The following RGPD4 variants were observed in gnomAD, a reference collection of about 807,000 sequenced individuals.
The protein encoded by RGPD4 is ranBP2-like and GRIP domain-containing protein 4.
Under a neutral mutation model 141.1 loss-of-function variants are expected in RGPD4, and 84 were observed. The observed-to-expected ratio is 0.60, with a 90% CI of 0.50 to 0.71. RGPD4 has a LOEUF of 0.71. Among genes scored for constraint, RGPD4 ranks in the 30% least tolerant of loss-of-function variants. RGPD4 has a pLI of 0.00. For synonymous variants in RGPD4, 298 were observed against 566.8 expected (o/e 0.53, Z 6.74); for missense variants, 918 against 1,622.4 (o/e 0.57, Z 7.46).
In RGPD4 at chr2:107,872,626, T is replaced by C; in HGVS notation, c.4622T>C (p.Phe1541Ser). Residue 1541 changes from phenylalanine (F) to serine (S), a missense_variant, in exon 20 of 23, where the codon TTT becomes TCT. Transcript: ENST00000408999. ...KAVVSPPKFV[F>S]GSESVKRIFS... Reference sequence around the variant, plus strand: ...GTGGTTTCTCCTCCAAAGTTTGTATTTGGTTCAGAGTCTGTTAAAAGAATT... The same window carrying C: ...GTGGTTTCTCCTCCAAAGTTTGTATCTGGTTCAGAGTCTGTTAAAAGAATT... The C allele has an allele frequency of 6.2e-7, 1 of 1,606,674 alleles. No individual in the cohort carries two copies. Among genetic ancestry groups the C allele is most frequent in the Non-Finnish European group, 8.5e-7 (1 of 1,178,478 alleles).
chr2:107,885,193 A>G (rs1198136765), intron 22 of RGPD4, among the ~76,000 whole-genome samples: 1 of 152,100 alleles, frequency 6.6e-6, no homozygotes, highest in African/African-American at 2.4e-5. Flanking sequence ...ACCTAATTTT[A>G]TAGTTATAAA....
intron 9 of RGPD4, among the ~76,000 whole-genome samples, chr2:107,857,998 A>T (rs1466986662): frequency 6.6e-6 from 1 of 152,014 alleles, no homozygotes; most frequent in Non-Finnish European, 1.5e-5. Context: ...CAAAAACAAA[A>T]AGTGTTGGAA....
rs1173731518 is a variant in RGPD4 at position 107,874,926 on chromosome 2, G to A, written c.4924+1998G>A. ...TTGTTTATAATGAAGGAGAGGGACAGATTTAACATTGTAAAAGGAAGGGCA... is the reference window on the plus strand; with the variant it reads ...TTGTTTATAATGAAGGAGAGGGACAAATTTAACATTGTAAAAGGAAGGGCA... On this transcript the variant is annotated intron_variant, in intron 20 of 22. Transcript: ENST00000408999. Among the ~76,000 whole-genome samples the A allele has an allele frequency of 2.0e-5, 3 of 148,268 alleles. No individual in the cohort carries two copies. The East Asian group carries it at 5.8e-4, about 29-fold the overall frequency.
At chr2:107,827,144 C>T (rs1573449898) in intron 1 of RGPD4, 59 bp downstream of exon 1, 1 of 565,872 alleles carries the variant, frequency 1.8e-6, no homozygotes, top group African/African-American at 3.3e-5. Context: ...GAGGCCTCGA[C>T]CTGGCCCGGC....
At chr2:107,876,453 T>G (rs1344893184) in intron 20 of RGPD4, among the ~76,000 whole-genome samples, 1 of 151,632 alleles carries the variant, frequency 6.6e-6, no homozygotes, top group Non-Finnish European at 1.5e-5. Context: ...AGTCATCAAA[T>G]TTGTCTACTT....
intron 3 of RGPD4, 40 bp from the exon 4 acceptor site, chr2:107,838,772 C>A: frequency 8.7e-7 from 1 of 1,147,350 alleles, no homozygotes; most frequent in South Asian, 2.0e-5. Context: ...TACATACATA[C>A]AATTTATTTA....
chr2:107,876,580 T>C (rs1187747750), intron 20 of RGPD4, among the ~76,000 whole-genome samples: 2 of 150,738 alleles, frequency 1.3e-5, no homozygotes, highest in African/African-American at 4.9e-5. Context: ...TTAGTTGGAG[T>C]TTTAGTTCAG....
At chr2:107,858,034 G>T (rs963210399) in intron 9 of RGPD4, among the ~76,000 whole-genome samples, 1 of 151,888 alleles carries the variant, frequency 6.6e-6, no homozygotes, top group Non-Finnish European at 1.5e-5. Context: ...ACTGCATCTG[G>T]CCATATTTTT....
chr2:107,875,846 T>A (rs1283034828), intron 20 of RGPD4, among the ~76,000 whole-genome samples: 2 of 139,516 alleles, frequency 1.4e-5, no homozygotes, highest in African/African-American at 5.5e-5. Context: ...ATTAGTTTCA[T>A]ATGTATACTA....
rs150474952 is a variant in RGPD4 at position 107,882,375 on chromosome 2, A to G, written c.5065-297A>G. Among the ~76,000 whole-genome samples the G allele has an allele frequency of 1.2e-3, 187 of 151,944 alleles. 3 individuals carry two copies. Among genetic ancestry groups the G allele is most frequent in the African/African-American group, 4.4e-3 (181 of 41,226 alleles). ...AAATAGCTTAGGACAGTGGAGTCCT[A>G]TAGCCCAACACTTGGTTCATATGCA... On this transcript the variant is annotated intron_variant, in intron 21 of 22. Transcript: ENST00000408999.
chr2:107,885,967 T>C (rs1311791376), intron 22 of RGPD4, among the ~76,000 whole-genome samples: 11 of 151,014 alleles, frequency 7.3e-5, no homozygotes, highest in African/African-American at 2.7e-4. Flanking sequence ...GTAGGAGAAC[T>C]GCTTGAACCC....
chr2:107,845,464 TG>T (rs1681891571), intron 6 of RGPD4, among the ~76,000 whole-genome samples: 1 of 150,250 alleles, frequency 6.7e-6, no homozygotes, highest in Non-Finnish European at 1.5e-5. Flanking sequence ...ACCATGGGAA[TG>T]GAGTCACTCG....
At chr2:107,854,237 T>G (rs1402424486) in intron 7 of RGPD4, among the ~76,000 whole-genome samples, 1 of 146,402 alleles carries the variant, frequency 6.8e-6, no homozygotes, top group Non-Finnish European at 1.5e-5. Context: ...TTTTTTTTTT[T>G]ATTTTTAGTA....
intron 2 of RGPD4, among the ~76,000 whole-genome samples, chr2:107,837,185 A>G (rs1573469383): frequency 3.7e-5 from 2 of 54,166 alleles, no homozygotes. Context: ...AGAGGGAGGC[A>G]GGCTTTTTTT....
Position 107,872,245 on chromosome 2 carries a change from A to G in RGPD4, c.4241A>G (p.Asp1414Gly). The G allele has an allele frequency of 1.2e-6, 2 of 1,611,508 alleles. No individual in the cohort carries two copies. Among genetic ancestry groups the G allele is most frequent in the Non-Finnish European group, 8.5e-7 (1 of 1,179,862 alleles). Residue 1414 changes from aspartate (D) to glycine (G), a missense_variant, in exon 20 of 23, where the codon GAC becomes GGC. By Grantham distance (94) the Asp-to-Gly change is moderately conservative (BLOSUM62 -1). Transcript: ENST00000408999. ...KLCANHTITPDMSLQNMKGTE... is the reference protein window; with the variant it reads ...KLCANHTITPGMSLQNMKGTE... Reference sequence around the variant, plus strand: ...TGTGCCAATCACACAATAACTCCAGACATGAGTTTGCAAAATATGAAAGGG... The same window carrying G: ...TGTGCCAATCACACAATAACTCCAGGCATGAGTTTGCAAAATATGAAAGGG...
At chr2:107,830,157 C>G (rs1681428351) in intron 1 of RGPD4, among the ~76,000 whole-genome samples, 1 of 151,992 alleles carries the variant, frequency 6.6e-6, no homozygotes, top group South Asian at 2.1e-4. Context: ...GCCCAGAAGA[C>G]TTTGGTAGCT....
intron 7 of RGPD4, among the ~76,000 whole-genome samples, chr2:107,854,111 A>G (rs1682215201): frequency 7.4e-6 from 1 of 134,434 alleles, no homozygotes; most frequent in Non-Finnish European, 1.6e-5. Context: ...CCGGAGTGCA[A>G]TGGCACAGTC....
At chr2:107,888,188 G>A (rs1675562179) in intron 22 of RGPD4, among the ~76,000 whole-genome samples, 1 of 147,506 alleles carries the variant, frequency 6.8e-6, no homozygotes, top group African/African-American at 2.6e-5. Context: ...CAAGGCAAGA[G>A]CAAATGCACC....
chr2:107,872,459 A>G lies in RGPD4; in HGVS notation c.4455A>G (p.Arg1485=). 6.5e-7 allele frequency: 1 copy of G among 1,549,276 alleles called. No homozygotes were observed. Among genetic ancestry groups the G allele is most frequent in the South Asian group, 1.2e-5 (1 of 86,786 alleles). ...ATGTTTCTCGGTCAAGCACTCCCAGAGAGTCACCATGTGGCAAAATTGCTG... is the reference window on the plus strand; with the variant it reads ...ATGTTTCTCGGTCAAGCACTCCCAGGGAGTCACCATGTGGCAAAATTGCTG... ...TPHVSRSSTP[R]ESPCGKIAVA... Residue 1485 remains arginine, a synonymous_variant, in exon 20 of 23, where the codon AGA becomes AGG. Transcript: ENST00000408999.
Sources: allele counts gnomAD v4.1 joint callset (sites outside exome capture counted in the v4.1 genomes callset), GRCh38; gene constraint gnomAD v4.1.1; transcripts MANE v1.5; gene names NCBI Gene and HGNC (gene_info 2026-07-23, HGNC 2026-07-21).